Variants in ELOVL6 observed in about 807,000 individuals in gnomAD.
ELOVL6 encodes the protein very long chain fatty acid elongase 6.
Under a neutral mutation model 31.7 loss-of-function variants are expected in ELOVL6, and 8 were observed. The observed-to-expected ratio is 0.25, with a 90% CI of 0.15 to 0.45. The LOEUF (loss-of-function observed/expected upper bound fraction) is 0.45, where lower values mean the gene tolerates loss of function less well. Ranked by LOEUF, ELOVL6 falls within the 20% of genes least tolerant of loss-of-function variation. ELOVL6 has a pLI of 1.00. For synonymous variants in ELOVL6, 101 were observed against 117.7 expected, an observed-to-expected ratio of 0.86 and a Z score of 0.92; for missense variants, 126 against 326.4, an observed-to-expected ratio of 0.39 and a Z score of 4.73.
Position 110,070,762 on chromosome 4 carries a change from C to T in ELOVL6, c.222-11008G>A, listed in dbSNP as rs904647955. On this transcript the variant is annotated intron_variant, in intron 2 of 3. Transcript: ENST00000302274. ...ACCCTTGGCTCTCTTCCTCTTTCTTCGGCCAGTAAGATATGCCTGCTTCCC... is the reference window on the plus strand; with the variant it reads ...ACCCTTGGCTCTCTTCCTCTTTCTTTGGCCAGTAAGATATGCCTGCTTCCC... 5.9e-5 allele frequency among the ~76,000 whole-genome samples: 9 copies of T among 152,262 alleles called. No individual in the cohort carries two copies. In the South Asian group the frequency reaches 1.2e-3, roughly 21 times the overall value.
intron 2 of ELOVL6, among the ~76,000 whole-genome samples, chr4:110,084,117 T>C (rs1319121088): frequency 1.0e-5 from 1 of 100,018 alleles, no homozygotes; most frequent in Non-Finnish European, 1.7e-5. Flanking sequence ...ATATGATATA[T>C]ATAACATATA....
intron 1 of ELOVL6, among the ~76,000 whole-genome samples, chr4:110,166,936 A>G (rs907231494): frequency 1.3e-5 from 2 of 152,228 alleles, no homozygotes; most frequent in Admixed American, 6.5e-5. Context: ...TTGCATGTAC[A>G]TCTGCCTTCC....
intron 2 of ELOVL6, among the ~76,000 whole-genome samples, chr4:110,093,562 TC>T (rs1223604470): frequency 3.3e-5 from 5 of 152,316 alleles, no homozygotes; most frequent in African/African-American, 4.8e-5. Context: ...TAGGTGAAAT[TC>T]CAGGTAGTTC....
chr4:110,155,714 A>T (rs1758396255), intron 1 of ELOVL6, among the ~76,000 whole-genome samples: 1 of 152,114 alleles, frequency 6.6e-6, no homozygotes, highest in Non-Finnish European at 1.5e-5. Flanking sequence ...TAAAATAATC[A>T]GAATTGCTAG....
intron 1 of ELOVL6, among the ~76,000 whole-genome samples, chr4:110,168,085 A>C (rs1430389744): frequency 6.6e-6 from 1 of 152,232 alleles, no homozygotes. Context: ...GTATCAATTT[A>C]TGAACAGAGC....
intron 1 of ELOVL6, among the ~76,000 whole-genome samples, chr4:110,194,425 T>C (rs900344505): frequency 6.6e-6 from 1 of 152,234 alleles, no homozygotes; most frequent in African/African-American, 2.4e-5. Context: ...AGGATGATTC[T>C]ACAAGGGAAT....
chr4:110,094,192 C>G (rs572630333), intron 2 of ELOVL6, among the ~76,000 whole-genome samples: 1 of 147,498 alleles, frequency 6.8e-6, no homozygotes, highest in African/African-American at 2.5e-5. Context: ...GAGGCTGCAG[C>G]GAGCCAAGAT....
At position 110,071,482 on chromosome 4, in the gene ELOVL6, G is replaced by C. The variant is rs17041341; in HGVS notation, c.222-11728C>G. On this transcript the variant is annotated intron_variant, in intron 2 of 3. Transcript: ENST00000302274. ...AAGTATGTGTATGCTCTGGAACTTA[G>C]GTCATTTGAAAGTGTGAACTGTGAA... Among the ~76,000 whole-genome samples the C allele has an allele frequency of 9.2e-3, 1,399 of 152,260 alleles. 21 individuals carry two copies. The highest frequency in any genetic ancestry group is 0.03 in the African/African-American group (1,262 of 41,536).
chr4:110,127,421 A>AG (rs1553959440), intron 1 of ELOVL6, among the ~76,000 whole-genome samples: 34 of 147,144 alleles, frequency 2.3e-4, no homozygotes, highest in African/African-American at 8.8e-4. Context: ...AAAAAAAAAA[A>AG]AAAAGAAAAG....
intron 2 of ELOVL6, among the ~76,000 whole-genome samples, chr4:110,082,639 A>C (rs1755900024): frequency 6.6e-6 from 1 of 152,126 alleles, no homozygotes; most frequent in Non-Finnish European, 1.5e-5. Context: ...GATATACCTA[A>C]TGTTAAATGA....
At chr4:110,097,796 GA>G (rs11284609) in intron 2 of ELOVL6, among the ~76,000 whole-genome samples, 64,636 of 138,632 alleles carry the variant, frequency 0.47, 14,748 homozygotes, top group East Asian at 0.71. Context: ...TCTGCCTTCA[GA>G]AAAAAAAAAA....
At chr4:110,172,505 A>G (rs1342103725) in intron 1 of ELOVL6, among the ~76,000 whole-genome samples, 1 of 152,160 alleles carries the variant, frequency 6.6e-6, no homozygotes, top group Non-Finnish European at 1.5e-5. Context: ...ACAGCAAGTA[A>G]TGAGAATTGC....
chr4:110,078,560 G>C (rs1342138112), intron 2 of ELOVL6, among the ~76,000 whole-genome samples: 1 of 152,134 alleles, frequency 6.6e-6, no homozygotes. Flanking sequence ...GTCACCATCA[G>C]GCCTGCCCTA....
intron 1 of ELOVL6, among the ~76,000 whole-genome samples, chr4:110,113,408 CT>C (rs36006798): frequency 0.32 from 48,245 of 151,466 alleles, 7,841 homozygotes; most frequent in Non-Finnish European, 0.34. Flanking sequence ...CTGAGACCCC[CT>C]CCATCTCTAC....
rs944904056 is a variant in ELOVL6 at position 110,086,578 on chromosome 4, C to T, written c.221+18919G>A. Among the ~76,000 whole-genome samples, 3 of 152,066 alleles carry T rather than the reference C, an allele frequency of 2.0e-5. No individual in the cohort carries two copies. In the South Asian group the frequency reaches 6.2e-4, roughly 32 times the overall value. The stretch of plus-strand genomic sequence containing the variant: ...TCTAAACCACTCTCCCTCAGAAGTT[C>T]CTAAGTGTGATTTTGATGACTCCTG... On this transcript the variant is annotated intron_variant, in intron 2 of 3. Coordinates refer to ENST00000302274, the MANE Select transcript of ELOVL6 (RefSeq NM_024090.3).
Position 110,051,461 on chromosome 4 carries a change from A to T in ELOVL6, c.675T>A (p.Cys225Ter). 6.2e-7 allele frequency: 1 copy of T among 1,614,224 alleles called. No individual in the cohort carries two copies. Among genetic ancestry groups the T allele is most frequent in the Non-Finnish European group, 8.5e-7 (1 of 1,180,022 alleles). The stretch of plus-strand genomic sequence containing the variant: ...AGAAGATGTTCTGAAAGTGAGAGTG[A>T]CACTGGTCATGCTGCATCCAGCAGA... ...LVFCWMQHDQ[C>*]HSHFQNIFWS... The change falls in exon 4 of 4, where the codon TGT becomes TGA. Residue 225 changes from cysteine to a stop codon, truncating the protein, a stop_gained. Coordinates refer to ENST00000302274, the MANE Select transcript of ELOVL6 (RefSeq NM_024090.3). LOFTEE classifies it high-confidence loss of function. The surrounding 1 kb of genome is among the most constrained non-coding windows in gnomAD (Gnocchi z 4.8).
chr4:110,092,342 C>T (rs957804248), intron 2 of ELOVL6, among the ~76,000 whole-genome samples: 5 of 152,072 alleles, frequency 3.3e-5, no homozygotes, highest in Non-Finnish European at 2.9e-5. Context: ...CTTTCAAGGC[C>T]GAGGTCATAA....
chr4:110,105,058 T>C (rs576440909), intron 2 of ELOVL6, among the ~76,000 whole-genome samples: 52 of 152,198 alleles, frequency 3.4e-4, no homozygotes, highest in Non-Finnish European at 5.9e-4. Context: ...GACACAGATG[T>C]CCAGTGTCTG....
intron 1 of ELOVL6, among the ~76,000 whole-genome samples, chr4:110,159,627 G>A (rs184936803): frequency 1.3e-5 from 2 of 152,124 alleles, no homozygotes; most frequent in East Asian, 3.9e-4. Flanking sequence ...AAACTATCGT[G>A]CATCTTGGTG....
Sources: allele counts gnomAD v4.1 joint callset (sites outside exome capture counted in the v4.1 genomes callset), GRCh38; gene constraint gnomAD v4.1.1; non-coding constraint Gnocchi (gnomAD v3.1); transcripts MANE v1.5; gene names NCBI Gene and HGNC (gene_info 2026-07-23, HGNC 2026-07-21).